RMST: variants seen among roughly 807,000 people sequenced by gnomAD.
RMST encodes rhabdomyosarcoma 2 associated transcript, also known as long intergenic non-protein coding RNA 54.
intron 8 of RMST, chr12:97,494,059 A>T (rs1249915233): frequency 6.6e-6 from 1 of 152,192 alleles, no homozygotes; most frequent in African/African-American, 2.4e-5. Flanking sequence ...ATGCTAATGG[A>T]TGTTCCTTCA....
intron 11 of RMST, among the ~76,000 whole-genome samples, chr12:97,555,017 A>G (rs1883598358): frequency 6.6e-6 from 1 of 152,166 alleles, no homozygotes; most frequent in African/African-American, 2.4e-5. Context: ...TTGTCTCTAC[A>G]GCATATGGCA....
chr12:97,505,404 T>G (rs527722966), intron 10 of RMST, among the ~76,000 whole-genome samples: 1 of 152,218 alleles, frequency 6.6e-6, no homozygotes, highest in African/African-American at 2.4e-5. Context: ...TTAGATCTCT[T>G]GCATGGTAGC....
chr12:97,503,177 T>G (rs1242752928), intron 10 of RMST, among the ~76,000 whole-genome samples: 2 of 152,226 alleles, frequency 1.3e-5, no homozygotes, highest in African/African-American at 4.8e-5. Context: ...ATTATTTTAA[T>G]TTCCTTCTTC....
At chr12:97,476,223 G>A (rs1874533863) in intron 5 of RMST, among the ~76,000 whole-genome samples, 1 of 152,084 alleles carries the variant, frequency 6.6e-6, no homozygotes, top group African/African-American at 2.4e-5. Context: ...TTTTATATTT[G>A]TGATTATATG....
chr12:97,528,101 C>A (rs1023092656), intron 10 of RMST, among the ~76,000 whole-genome samples: 55 of 152,158 alleles, frequency 3.6e-4, no homozygotes, highest in Non-Finnish European at 1.6e-4. Context: ...CAGATGGAGT[C>A]TTTGATTCTA....
intron 10 of RMST, chr12:97,530,246 A>T (rs1881505528): frequency 6.6e-6 from 1 of 152,072 alleles, no homozygotes; most frequent in South Asian, 2.1e-4. Flanking sequence ...AATTTCTAAT[A>T]TCCTGTAGCC....
chr12:97,512,842 G>A (rs1357733733), intron 10 of RMST, among the ~76,000 whole-genome samples: 9 of 152,340 alleles, frequency 5.9e-5, no homozygotes, highest in East Asian at 1.9e-4. Flanking sequence ...AGGGGGCGGC[G>A]TGTCGGGGAG....
chr12:97,468,422 C>T (rs965427055), intron 5 of RMST, among the ~76,000 whole-genome samples: 2 of 152,022 alleles, frequency 1.3e-5, no homozygotes, highest in Admixed American at 6.6e-5. Flanking sequence ...TATAATACTA[C>T]ACTGTATATT....
chr12:97,496,113 T>C (rs574692678), intron 10 of RMST: 2 of 152,244 alleles, frequency 1.3e-5, no homozygotes, highest in African/African-American at 2.4e-5. Flanking sequence ...CTCGGTCTAA[T>C]TTCTCTTGTT....
chr12:97,554,454 C>T (rs1002654599), intron 11 of RMST, among the ~76,000 whole-genome samples: 8 of 151,926 alleles, frequency 5.3e-5, no homozygotes, highest in African/African-American at 1.5e-4. Context: ...CAAAAATAAA[C>T]GTGGACAATT....
At position 97,539,587 on chromosome 12, in the gene RMST, G is replaced by A. The variant is rs182045430; in HGVS notation, n.1545+8728G>A. On this transcript the variant is annotated intron_variant and non_coding_transcript_variant, in intron 11 of 13. Transcript: ENST00000640149. ...TCTATTCTAAACAAAACGATGCCTG[G>A]GCACTTTTTGCTATCATGAGATTAT... is the stretch of plus-strand genomic sequence containing the variant. 4.6e-5 allele frequency among the ~76,000 whole-genome samples: 7 copies of A among 151,614 alleles called. No individual in the cohort carries two copies. In the East Asian group the frequency reaches 1.2e-3, roughly 25 times the overall value.
chr12:97,470,364 G>A (rs1427714813), intron 5 of RMST, among the ~76,000 whole-genome samples: 1 of 152,002 alleles, frequency 6.6e-6, no homozygotes, highest in Non-Finnish European at 1.5e-5. Context: ...GGAAGTAAGA[G>A]CCTCCACTGC....
intron 10 of RMST, among the ~76,000 whole-genome samples, chr12:97,496,507 G>C (rs1008543085): frequency 6.6e-6 from 1 of 152,166 alleles, no homozygotes; most frequent in African/African-American, 2.4e-5. Context: ...AAGAAATTGA[G>C]AATGGGTTTC....
chr12:97,491,772 C>A, intron 5 of RMST: 1 of 327,758 alleles, frequency 3.1e-6, no homozygotes, highest in East Asian at 7.3e-5. Flanking sequence ...AAATGACTAC[C>A]ATGTCAATAG....
At position 97,524,089 on chromosome 12, in the gene RMST, A is replaced by G. The variant is rs1284335328; in HGVS notation, n.1341-6566A>G. 4.8e-5 allele frequency among the ~76,000 whole-genome samples: 7 copies of G among 147,282 alleles called. 2 individuals carry two copies. The highest frequency in any genetic ancestry group is 7.5e-5 in the Non-Finnish European group (5 of 66,250). On this transcript the variant is annotated intron_variant and non_coding_transcript_variant, in intron 10 of 13. Transcript: ENST00000640149. ...AGACTCTGTCTCAAAAAAAAAAAAA[A>G]AAAAAAAAAAAAAATCACATAACTG...
chr12:97,483,962 A>G (rs1001077602), intron 5 of RMST, among the ~76,000 whole-genome samples: 3 of 152,128 alleles, frequency 2.0e-5, no homozygotes, highest in African/African-American at 7.2e-5. Context: ...TAACCATTTT[A>G]TACTTTTCTT....
At position 97,499,461 on chromosome 12, in the gene RMST, C is replaced by T. The variant is rs904486281; in HGVS notation, n.1340+3405C>T. On this transcript the variant is annotated intron_variant and non_coding_transcript_variant, in intron 10 of 13. Coordinates refer to ENST00000640149, the Ensembl canonical transcript of RMST. ...CGATTGGGTTCAAATTTAAGATATG[C>T]CTTCACTAGCAATGTATGCTTAGAA... is the stretch of plus-strand genomic sequence containing the variant. 2.0e-5 allele frequency among the ~76,000 whole-genome samples: 3 copies of T among 152,034 alleles called. No individual in the cohort carries two copies. The South Asian group carries it at 6.2e-4, about 31-fold the overall frequency.
intron 10 of RMST, among the ~76,000 whole-genome samples, chr12:97,502,072 T>A (rs1424372767): frequency 6.6e-6 from 1 of 152,100 alleles, no homozygotes; most frequent in Middle Eastern, 3.2e-3. Flanking sequence ...GCATTATATG[T>A]GTTGTAGTCA....
At chr12:97,504,592 T>C (rs1350658290) in intron 10 of RMST, among the ~76,000 whole-genome samples, 1 of 152,144 alleles carries the variant, frequency 6.6e-6, no homozygotes, top group African/African-American at 2.4e-5. Context: ...GAGTATGATA[T>C]CATAAAACCT....
Sources: allele counts gnomAD v4.1 joint callset (sites outside exome capture counted in the v4.1 genomes callset), GRCh38; gene constraint gnomAD v4.1.1; transcripts MANE v1.5; gene names NCBI Gene and HGNC (gene_info 2026-07-23, HGNC 2026-07-21).